PARP8: variants seen among roughly 807,000 people sequenced by gnomAD.
PARP8 encodes the protein protein mono-ADP-ribosyltransferase PARP8.
PARP8 carries 51 observed loss-of-function variants against 124.1 expected under a neutral mutation model. The observed-to-expected ratio is 0.41, with a 90% CI of 0.33 to 0.52. PARP8 has a LOEUF of 0.52. Ranked by LOEUF, PARP8 falls within the 20% of genes least tolerant of loss-of-function variation. The probability of loss-of-function intolerance (pLI) is 0.21; values close to 1 mark genes in which losing one functional copy is unlikely to be tolerated. For synonymous variants in PARP8, 391 were observed against 361.5 expected, an observed-to-expected ratio of 1.08 and a Z score of -0.93; for missense variants, 860 against 1,018.9, an observed-to-expected ratio of 0.84 and a Z score of 2.12.
At chr5:50,754,120 T>TATATATATATATATATATATATATAC (rs1759569349) in intron 3 of PARP8, among the ~76,000 whole-genome samples, 1 of 5,860 alleles carries the variant, frequency 1.7e-4, no homozygotes, top group Non-Finnish European at 3.4e-4. Context: ...AACATTCATA[T>TATATATATATATATATATATATATAC]ATATATATAT....
intron 2 of PARP8, among the ~76,000 whole-genome samples, chr5:50,733,721 C>T (rs980566645): frequency 6.6e-6 from 1 of 152,096 alleles, no homozygotes; most frequent in Non-Finnish European, 1.5e-5. Context: ...GTGGTAAAAT[C>T]TAATGTTTTT....
intron 12 of PARP8, 88 bp from the exon 13 acceptor site, chr5:50,796,894 A>G: frequency 1.8e-6 from 2 of 1,114,566 alleles, no homozygotes; most frequent in Middle Eastern, 2.4e-4. Flanking sequence ...TCACTTTCGT[A>G]TTCACTATTG....
Position 50,795,208 on chromosome 5 carries a change from T to C in PARP8, c.1219T>C (p.Leu407=), listed in dbSNP as rs370127798. ...CACAAACTTGAAGCCCCATAAACTG[T>C]TAAGCAGGTCTTACTCTAGTAATCT... The part of the protein sequence containing the change: ...HNTNLKPHKL[L]SRSYSSNLRM... The change falls in exon 12 of 26, where the codon TTA becomes CTA. Residue 407 remains leucine (L), a synonymous_variant. Coordinates refer to ENST00000281631, the MANE Select transcript of PARP8 (RefSeq NM_024615.4). 20 of 1,614,088 alleles carry C rather than the reference T, an allele frequency of 1.2e-5. No homozygotes were observed. Among genetic ancestry groups the C allele is most frequent in the Non-Finnish European group, 1.0e-5 (12 of 1,180,032 alleles).
At chr5:50,834,294 A>T (rs1393306870) in intron 24 of PARP8, among the ~76,000 whole-genome samples, 2 of 152,162 alleles carry the variant, frequency 1.3e-5, no homozygotes, top group Non-Finnish European at 2.9e-5. Context: ...CAGAATGGTA[A>T]TTATATCTTT....
rs150829052 is a variant in PARP8 at position 50,730,298 on chromosome 5, A to G, written c.147-19853A>G. ...AGAAATACCCAAGACAGGGTAATTTATAAAGGAAAGAGGTTTAATTGACTC... is the reference window on the plus strand; with the variant it reads ...AGAAATACCCAAGACAGGGTAATTTGTAAAGGAAAGAGGTTTAATTGACTC... On this transcript the variant is annotated intron_variant, in intron 2 of 25. Coordinates refer to ENST00000281631, the MANE Select transcript of PARP8 (RefSeq NM_024615.4). Among the ~76,000 whole-genome samples the G allele has an allele frequency of 2.9e-3, 442 of 152,328 alleles. 3 individuals are homozygous for G. The highest frequency in any genetic ancestry group is 0.01 in the Middle Eastern group (3 of 294).
rs1195060872 is a variant in PARP8 at position 50,843,574 on chromosome 5, G to C, written c.*1506G>C. ...TTATTTCTGCAAGAAAAATAGGCTTGAAGTGGTTGGGATATTAATCATTTT... is the reference window on the plus strand; with the variant it reads ...TTATTTCTGCAAGAAAAATAGGCTTCAAGTGGTTGGGATATTAATCATTTT... On this transcript the variant is annotated 3_prime_UTR_variant, in exon 26 of 26. Transcript: ENST00000281631. 29 of 151,726 alleles carry C rather than the reference G, an allele frequency of 1.9e-4. No homozygotes were observed. The highest frequency in any genetic ancestry group is 2.9e-5 in the Non-Finnish European group (2 of 67,808). The allele number at this position is 151,726 out of a possible 1,614,324, so 9.4% of individuals were successfully genotyped here.
intron 2 of PARP8, among the ~76,000 whole-genome samples, chr5:50,741,628 T>G (rs1758049160): frequency 6.6e-6 from 1 of 152,194 alleles, no homozygotes; most frequent in Non-Finnish European, 1.5e-5. Context: ...CTTTTGATCC[T>G]GTTACTTCAC....
chr5:50,701,428 G>GTT (rs1753580799), intron 2 of PARP8, among the ~76,000 whole-genome samples: 1 of 152,062 alleles, frequency 6.6e-6, no homozygotes, highest in Non-Finnish European at 1.5e-5. Flanking sequence ...TGGGGATAAA[G>GTT]TTTTTAATTC....
At chr5:50,754,143 A>ACATACATATATATACATATATATG (rs1251635403) in intron 3 of PARP8, among the ~76,000 whole-genome samples, 3 of 17,930 alleles carry the variant, frequency 1.7e-4, no homozygotes, top group Non-Finnish European at 3.7e-4. Flanking sequence ...ATATATATAT[A>ACATACATATATATACATATATATG]TATATATACA....
At chr5:50,834,194 G>A (rs1580506493) in intron 24 of PARP8, 146 bp downstream of exon 24, 2 of 613,978 alleles carry the variant, frequency 3.3e-6, no homozygotes, top group South Asian at 2.8e-5. Context: ...ATGCAAAAAC[G>A]GGTACCGTAG....
intron 2 of PARP8, among the ~76,000 whole-genome samples, chr5:50,680,924 T>C (rs1289131376): frequency 6.6e-6 from 1 of 152,156 alleles, no homozygotes. Flanking sequence ...AAAATCACTT[T>C]TGTTACCCTA....
chr5:50,705,667 C>T (rs901635136), intron 2 of PARP8, among the ~76,000 whole-genome samples: 1 of 152,022 alleles, frequency 6.6e-6, no homozygotes, highest in African/African-American at 2.4e-5. Context: ...CGCCTGTAAT[C>T]CCAGCTACTC....
chr5:50,692,408 A>G (rs946505983), intron 2 of PARP8, among the ~76,000 whole-genome samples: 2 of 152,146 alleles, frequency 1.3e-5, no homozygotes, highest in African/African-American at 4.8e-5. Context: ...AGCCCCTAAT[A>G]CTTAGTCATC....
chr5:50,715,740 T>C (rs115646408), intron 2 of PARP8, among the ~76,000 whole-genome samples: 1,577 of 152,266 alleles, frequency 0.01, 22 homozygotes, highest in African/African-American at 0.035. Flanking sequence ...TTTTAACTTA[T>C]GTTAGCAAAT....
chr5:50,771,250 C>A (rs1055334930), intron 7 of PARP8, among the ~76,000 whole-genome samples: 1 of 152,102 alleles, frequency 6.6e-6, no homozygotes, highest in Non-Finnish European at 1.5e-5. Flanking sequence ...ACCTCCACCT[C>A]CTGGGTTCAA....
intron 16 of PARP8, among the ~76,000 whole-genome samples, 164 bp from the exon 17 acceptor site, chr5:50,822,169 ATC>A (rs1386210529): frequency 1.3e-5 from 2 of 152,152 alleles, no homozygotes; most frequent in African/African-American, 4.8e-5. Flanking sequence ...TCCTGGAGCC[ATC>A]TTATTATAGT....
At chr5:50,694,140 C>T (rs767032081) in intron 2 of PARP8, among the ~76,000 whole-genome samples, 1 of 152,070 alleles carries the variant, frequency 6.6e-6, no homozygotes, top group African/African-American at 2.4e-5. Context: ...GAACAAGGAT[C>T]CTTGTACTTA....
intron 2 of PARP8, among the ~76,000 whole-genome samples, chr5:50,693,399 G>T (rs972652633): frequency 3.4e-4 from 51 of 152,126 alleles, no homozygotes; most frequent in African/African-American, 1.2e-3. Context: ...TGTGTCCATT[G>T]TCTTAGGAGG....
At chr5:50,781,388 A>G (rs1740652898) in intron 9 of PARP8, among the ~76,000 whole-genome samples, 1 of 152,158 alleles carries the variant, frequency 6.6e-6, no homozygotes. Context: ...TGTTTTCTTC[A>G]ATATTATATA....
Sources: gnomAD v4.1 joint callset for allele counts (sites outside exome capture counted in the v4.1 genomes callset) on GRCh38, gnomAD v4.1.1 for gene constraint, MANE v1.5 for transcripts, NCBI Gene and HGNC (gene_info 2026-07-23, HGNC 2026-07-21) for gene names.